Variants in MSRA observed in about 807,000 individuals in gnomAD.
MSRA encodes the protein methionine sulfoxide reductase A.
Under a neutral mutation model 31.3 loss-of-function variants are expected in MSRA, and 54 were observed. That is an observed-to-expected ratio of 1.73 (90% CI 1.39 to 2.17). MSRA has a LOEUF of 2.17. Among genes scored for constraint, MSRA ranks in the 30% most tolerant of loss-of-function variants. The pLI is 0.00. For synonymous variants in MSRA, 169 were observed against 116.5 expected, an observed-to-expected ratio of 1.45 and a Z score of -2.90; for missense variants, 507 against 300.9, an observed-to-expected ratio of 1.69 and a Z score of -5.07.
chr8:10,389,196 C>A (rs1806581378), intron 5 of MSRA, among the ~76,000 whole-genome samples: 1 of 152,146 alleles, frequency 6.6e-6, no homozygotes, highest in Non-Finnish European at 1.5e-5. Flanking sequence ...TGGAAAAGGA[C>A]CCTGGCATTT....
At chr8:10,190,170 TG>T (rs1245736259) in intron 1 of MSRA, among the ~76,000 whole-genome samples, 1 of 152,166 alleles carries the variant, frequency 6.6e-6, no homozygotes, top group Non-Finnish European at 1.5e-5. Context: ...GGGTCATTGC[TG>T]GAGGAAGTCT....
At chr8:10,333,079 CA>C (rs1206650258) in intron 5 of MSRA, among the ~76,000 whole-genome samples, 1 of 17,700 alleles carries the variant, frequency 5.6e-5, no homozygotes, top group Non-Finnish European at 1.3e-4. Context: ...TTGTGAGGAT[CA>C]AGGAGACATT....
At chr8:10,103,160 A>G (rs773432022) in intron 1 of MSRA, among the ~76,000 whole-genome samples, 12 of 152,100 alleles carry the variant, frequency 7.9e-5, no homozygotes, top group East Asian at 1.9e-4. Context: ...TAAGATTTCC[A>G]TTTTTTTGGT....
intron 3 of MSRA, among the ~76,000 whole-genome samples, chr8:10,246,890 T>C (rs996068472): frequency 6.6e-6 from 1 of 152,218 alleles, no homozygotes; most frequent in African/African-American, 2.4e-5. Flanking sequence ...AAATGAATCC[T>C]GGAGATCACC....
At chr8:10,369,699 G>A (rs1027555092) in intron 5 of MSRA, among the ~76,000 whole-genome samples, 7 of 152,164 alleles carry the variant, frequency 4.6e-5, no homozygotes, top group African/African-American at 7.2e-5. Flanking sequence ...GATAGGTAAT[G>A]TTCATTAATA....
At chr8:10,237,117 C>T (rs888352373) in intron 2 of MSRA, among the ~76,000 whole-genome samples, 9 of 152,318 alleles carry the variant, frequency 5.9e-5, no homozygotes, top group Admixed American at 1.3e-4. Flanking sequence ...CTAGTTAATG[C>T]AGGTTTTCAT....
At chr8:10,304,195 C>T (rs536203702) in intron 4 of MSRA, among the ~76,000 whole-genome samples, 1 of 152,324 alleles carries the variant, frequency 6.6e-6, no homozygotes, top group Non-Finnish European at 1.5e-5. Flanking sequence ...CCTTGGCCTC[C>T]CAAAGTGCTG....
chr8:10,337,826 C>T (rs894255611), intron 5 of MSRA: 4 of 702,302 alleles, frequency 5.7e-6, no homozygotes, highest in Non-Finnish European at 1.0e-5. Context: ...TATTAGTATG[C>T]AGCAAGGTGC....
chr8:10,168,218 A>G (rs1026057632), intron 1 of MSRA, among the ~76,000 whole-genome samples: 6 of 152,356 alleles, frequency 3.9e-5, no homozygotes, highest in Middle Eastern at 3.4e-3. Flanking sequence ...TTAATACAGC[A>G]TCAGGCACAT....
chr8:10,405,164 A>G (rs1049092344), intron 5 of MSRA, among the ~76,000 whole-genome samples: 1 of 152,214 alleles, frequency 6.6e-6, no homozygotes, highest in Admixed American at 6.5e-5. Flanking sequence ...TCTATGCCAC[A>G]GTGACCATGT....
At chr8:10,216,355 G>A (rs960320069) in intron 2 of MSRA, among the ~76,000 whole-genome samples, 1 of 152,152 alleles carries the variant, frequency 6.6e-6, no homozygotes, top group African/African-American at 2.4e-5. Context: ...TTTCCTAGCA[G>A]CAACATGAAG....
chr8:10,111,500 C>T (rs750393734), intron 1 of MSRA, among the ~76,000 whole-genome samples: 1 of 152,176 alleles, frequency 6.6e-6, no homozygotes, highest in African/African-American at 2.4e-5. Context: ...TTCCCTTCTT[C>T]ACTCCTGCAG....
At chr8:10,278,392 G>T (rs928846245) in intron 3 of MSRA, among the ~76,000 whole-genome samples, 2 of 152,236 alleles carry the variant, frequency 1.3e-5, no homozygotes, top group Admixed American at 1.3e-4. Flanking sequence ...ACATGCACAG[G>T]TTGACTTCTT....
intron 1 of MSRA, among the ~76,000 whole-genome samples, chr8:10,136,672 A>G (rs1278147023): frequency 6.6e-6 from 1 of 152,246 alleles, no homozygotes; most frequent in Non-Finnish European, 1.5e-5. Context: ...CAGGCCTTCC[A>G]GAAGCTTCTG....
At chr8:10,425,595 C>A (rs868635405) in intron 5 of MSRA, among the ~76,000 whole-genome samples, 1 of 152,190 alleles carries the variant, frequency 6.6e-6, no homozygotes, top group African/African-American at 2.4e-5. Flanking sequence ...GGATCTCAGA[C>A]ACAGGCAGGC....
chr8:10,076,746 T>A (rs1315311100), intron 1 of MSRA, among the ~76,000 whole-genome samples: 1 of 152,018 alleles, frequency 6.6e-6, no homozygotes, highest in Non-Finnish European at 1.5e-5. Context: ...GGGTTCTACT[T>A]TCCTAGTCTC....
intron 5 of MSRA, among the ~76,000 whole-genome samples, chr8:10,322,677 G>T (rs934058431): frequency 2.6e-5 from 4 of 152,124 alleles, no homozygotes; most frequent in Non-Finnish European, 5.9e-5. Context: ...GAAACACAGG[G>T]CCTAGCACAT....
intron 1 of MSRA, among the ~76,000 whole-genome samples, chr8:10,124,055 C>G (rs988750471): frequency 2.0e-5 from 3 of 151,684 alleles, no homozygotes; most frequent in African/African-American, 7.3e-5. Flanking sequence ...TTGCAGAGGT[C>G]GAGGGGCTTC....
At chr8:10,152,663 A>C in intron 1 of MSRA, among the ~76,000 whole-genome samples, 1 of 152,172 alleles carries the variant, frequency 6.6e-6, no homozygotes, top group East Asian at 1.9e-4. Context: ...AATCATATGA[A>C]GAAAGAGGAA....
Sources: gnomAD v4.1 joint callset for allele counts (sites outside exome capture counted in the v4.1 genomes callset) on GRCh38, gnomAD v4.1.1 for gene constraint, MANE v1.5 for transcripts, NCBI Gene and HGNC (gene_info 2026-07-23, HGNC 2026-07-21) for gene names.